Variants in KALRN observed in about 807,000 individuals in gnomAD.
KALRN encodes the protein kalirin RhoGEF kinase.
A neutral mutation model predicts 353.7 loss-of-function variants in KALRN; 70 were observed. The ratio of observed to expected loss-of-function variants is 0.20; its 90% CI spans 0.16 to 0.24. KALRN has a LOEUF of 0.24. Among genes scored for constraint, KALRN ranks in the 10% least tolerant of loss-of-function variants. KALRN has a pLI of 1.00. For synonymous variants in KALRN, 1,391 were observed against 1,434.8 expected (o/e 0.97, Z 0.69); for missense variants, 2,791 against 3,756.7 (o/e 0.74, Z 6.72).
At chr3:124,406,626 A>G (rs1182314065) in intron 13 of KALRN, among the ~76,000 whole-genome samples, 1 of 152,190 alleles carries the variant, frequency 6.6e-6, no homozygotes, top group Non-Finnish European at 1.5e-5. Context: ...GTGAAATGCC[A>G]TGGACCCTTT....
chr3:124,423,593 AG>A (rs1438529393), intron 15 of KALRN, among the ~76,000 whole-genome samples: 1 of 152,252 alleles, frequency 6.6e-6, no homozygotes, highest in African/African-American at 2.4e-5. Context: ...AAAATAGTAC[AG>A]GCCAGGCATG....
In KALRN at chr3:124,666,496, T is replaced by A; in HGVS notation, c.6393T>A (p.Tyr2131Ter). Residue 2131 changes from tyrosine (Y) to a stop codon, truncating the protein, a stop_gained, in exon 46 of 60, where the codon TAT becomes TAA. Coordinates refer to ENST00000682506, the MANE Select transcript of KALRN (RefSeq NM_001388419.1). LOFTEE classifies it high-confidence loss of function. ...AGCTGCTGCAGCAGGACACATTCTA[T>A]GTGATCGAGCTGGATGCAGGCATGC... is the stretch of plus-strand genomic sequence containing the variant. Reference protein sequence around the residue: ...QGKLLQQDTFYVIELDAGMQS... With the variant: ...QGKLLQQDTF 1 of 1,614,036 alleles carries A rather than the reference T, an allele frequency of 6.2e-7. No individual in the cohort carries two copies. The highest frequency in any genetic ancestry group is 8.5e-7 in the Non-Finnish European group (1 of 1,179,890).
At chr3:124,428,956 G>A (rs941836394) in intron 15 of KALRN, among the ~76,000 whole-genome samples, 1 of 152,154 alleles carries the variant, frequency 6.6e-6, no homozygotes, top group East Asian at 1.9e-4. Flanking sequence ...TGAATCTTCA[G>A]ACCAAACAAA....
intron 3 of KALRN, among the ~76,000 whole-genome samples, chr3:124,244,788 G>A (rs1455841888): frequency 6.6e-6 from 1 of 151,960 alleles, no homozygotes; most frequent in Non-Finnish European, 1.5e-5. Flanking sequence ...TATCTTAAGT[G>A]GTTTCTTCGA....
In KALRN at chr3:124,417,729, A is replaced by G. The variant is rs76696210; in HGVS notation, c.2542+4064A>G. 4.1e-3 allele frequency among the ~76,000 whole-genome samples: 631 copies of G among 152,324 alleles called. 19 individuals carry two copies. In the East Asian group the frequency reaches 0.078, roughly 19 times the overall value. ...TCTTAGGACCTGAGTGTCCTTGTAC[A>G]TGTTCGCCTGTCTCTCTAAGCCTTG... On this transcript the variant is annotated intron_variant, in intron 14 of 59. Coordinates refer to ENST00000682506, the MANE Select transcript of KALRN (RefSeq NM_001388419.1).
chr3:124,098,938 TG>T (rs1411311972), intron 1 of KALRN, among the ~76,000 whole-genome samples: 1 of 152,226 alleles, frequency 6.6e-6, no homozygotes, highest in Non-Finnish European at 1.5e-5. Context: ...TGAACTTAAG[TG>T]ATATGCTGAA....
intron 11 of KALRN, among the ~76,000 whole-genome samples, chr3:124,392,332 T>G (rs374735534): frequency 2.0e-5 from 3 of 152,200 alleles, no homozygotes; most frequent in Non-Finnish European, 4.4e-5. Context: ...TGACTATATG[T>G]CAGACACTGT....
At chr3:124,170,883 C>T (rs1286361567) in intron 1 of KALRN, among the ~76,000 whole-genome samples, 1 of 102,652 alleles carries the variant, frequency 9.7e-6, no homozygotes, top group Non-Finnish European at 1.8e-5. Flanking sequence ...GACATGGTCT[C>T]GCTTTGTCAC....
intron 3 of KALRN, among the ~76,000 whole-genome samples, chr3:124,262,196 G>A (rs2148867283): frequency 6.6e-6 from 1 of 152,244 alleles, no homozygotes; most frequent in South Asian, 2.1e-4. Flanking sequence ...ATAGGCATAA[G>A]ATGGACTATC....
At chr3:124,661,693 C>T (rs1008769710) in intron 44 of KALRN, among the ~76,000 whole-genome samples, 158 bp from the exon 45 acceptor site, 2 of 152,192 alleles carry the variant, frequency 1.3e-5, no homozygotes, top group Non-Finnish European at 2.9e-5. Flanking sequence ...GAACAGAAAG[C>T]CCCACACTCT....
intron 6 of KALRN, among the ~76,000 whole-genome samples, chr3:124,304,357 A>T (rs1345013497): frequency 3.3e-5 from 5 of 152,052 alleles, no homozygotes; most frequent in Non-Finnish European, 7.4e-5. Flanking sequence ...TTTGATTACC[A>T]CCCTAGTTCT....
chr3:124,187,217 A>G (rs1579127240), intron 1 of KALRN, among the ~76,000 whole-genome samples: 1 of 152,100 alleles, frequency 6.6e-6, no homozygotes, highest in African/African-American at 2.4e-5. Flanking sequence ...AGTAGCTGGG[A>G]TTACAGGTGC....
At chr3:124,390,981 A>C (rs1372265716) in intron 11 of KALRN, among the ~76,000 whole-genome samples, 3 of 152,012 alleles carry the variant, frequency 2.0e-5, no homozygotes, top group Non-Finnish European at 4.4e-5. Flanking sequence ...AGCTAATCTT[A>C]TGTAGGGCAT....
At chr3:124,064,338 C>T (rs894276333) in intron 1 of KALRN, among the ~76,000 whole-genome samples, 7 of 152,018 alleles carry the variant, frequency 4.6e-5, no homozygotes, top group African/African-American at 1.7e-4. Flanking sequence ...TGATGTGATT[C>T]CTCTGTGGCA....
At chr3:124,233,136 T>C (rs193004872) in intron 2 of KALRN, among the ~76,000 whole-genome samples, 1 of 152,178 alleles carries the variant, frequency 6.6e-6, no homozygotes, top group African/African-American at 2.4e-5. Context: ...GTTGGAGCTG[T>C]GGTTCCTTGT....
At chr3:124,455,389 C>A (rs779940388) in intron 22 of KALRN, 30 bp downstream of exon 22, 2 of 1,592,750 alleles carry the variant, frequency 1.3e-6, no homozygotes, top group East Asian at 4.5e-5. Flanking sequence ...TCTGGGACAT[C>A]CTCCCTTCTC....
At chr3:124,310,798 A>G (rs907433736) in intron 6 of KALRN, among the ~76,000 whole-genome samples, 16 of 152,212 alleles carry the variant, frequency 1.1e-4, no homozygotes, top group Non-Finnish European at 2.4e-4. Flanking sequence ...TTTGTGCATC[A>G]AAAATGACAG....
At chr3:124,082,273 T>A (rs1383237059) in intron 1 of KALRN, 1 of 471,170 alleles carries the variant, frequency 2.1e-6, no homozygotes. Flanking sequence ...ATGGAAAACA[T>A]AACCTCAAGT....
intron 6 of KALRN, among the ~76,000 whole-genome samples, chr3:124,313,263 C>T (rs2078461471): frequency 6.6e-6 from 1 of 152,188 alleles, no homozygotes; most frequent in South Asian, 2.1e-4. Context: ...AGCAAAGCCA[C>T]TAAAAAGCAA....
Sources: gnomAD v4.1 joint callset for allele counts (sites outside exome capture counted in the v4.1 genomes callset) on GRCh38, gnomAD v4.1.1 for gene constraint, MANE v1.5 for transcripts, NCBI Gene and HGNC (gene_info 2026-07-23, HGNC 2026-07-21) for gene names.